The following CDH10 variants were observed in gnomAD, a reference collection of about 807,000 sequenced individuals.
The protein encoded by CDH10 is cadherin-10.
CDH10 carries 30 observed loss-of-function variants against 73.1 expected under a neutral mutation model. The observed-to-expected ratio is 0.41, with a 90% CI of 0.31 to 0.56. The LOEUF is 0.56. CDH10 is among the 20% of genes least tolerant of loss of function. The probability of loss-of-function intolerance (pLI) is 0.27; values close to 1 mark genes in which losing one functional copy is unlikely to be tolerated. For missense variants in CDH10, 815 were observed against 973.7 expected (o/e 0.84, Z 2.17); for synonymous variants, 345 against 348.2 (o/e 0.99, Z 0.10).
chr5:24,492,317 G>A (rs1742086722), intron 10 of CDH10, among the ~76,000 whole-genome samples: 1 of 152,214 alleles, frequency 6.6e-6, no homozygotes, highest in Non-Finnish European at 1.5e-5. Flanking sequence ...TAACAAAGTA[G>A]AAGAAGGTTT....
At chr5:24,508,590 G>A (rs139820338) in intron 7 of CDH10, among the ~76,000 whole-genome samples, 11 of 152,200 alleles carry the variant, frequency 7.2e-5, no homozygotes, top group African/African-American at 2.4e-4. Flanking sequence ...GTGAATGAAG[G>A]TCATGGCAAC....
chr5:24,528,146 T>TCACACA (rs1743597280), intron 5 of CDH10, among the ~76,000 whole-genome samples: 1 of 151,860 alleles, frequency 6.6e-6, no homozygotes, highest in Non-Finnish European at 1.5e-5. Flanking sequence ...ATTTTGGTGG[T>TCACACA]CACAGTAAAA....
intron 1 of CDH10, among the ~76,000 whole-genome samples, chr5:24,619,370 T>G (rs531168520): frequency 1.3e-5 from 2 of 152,222 alleles, no homozygotes; most frequent in African/African-American, 4.8e-5. Flanking sequence ...ATTTTTTGTA[T>G]TTTTAGTAGA....
chr5:24,575,103 T>C (rs1745546542), intron 2 of CDH10, among the ~76,000 whole-genome samples: 1 of 152,018 alleles, frequency 6.6e-6, no homozygotes, highest in Non-Finnish European at 1.5e-5. Context: ...GGCTCATGCC[T>C]GTAATCCCAC....
chr5:24,554,776 T>A (rs1744708110), intron 2 of CDH10, among the ~76,000 whole-genome samples: 1 of 152,146 alleles, frequency 6.6e-6, no homozygotes. Flanking sequence ...ATAATAATAA[T>A]TATAGAAATT....
At chr5:24,562,506 T>A (rs897641277) in intron 2 of CDH10, among the ~76,000 whole-genome samples, 1 of 152,122 alleles carries the variant, frequency 6.6e-6, no homozygotes, top group African/African-American at 2.4e-5. Flanking sequence ...AGGGAGAGCA[T>A]AAATTCAACT....
intron 1 of CDH10, among the ~76,000 whole-genome samples, chr5:24,611,200 G>C (rs1746936659): frequency 6.6e-6 from 1 of 152,028 alleles, no homozygotes; most frequent in Admixed American, 6.6e-5. Flanking sequence ...GCCATATTAA[G>C]TATCCACCCC....
At chr5:24,597,981 AG>A (rs1433189271) in intron 1 of CDH10, among the ~76,000 whole-genome samples, 1 of 151,954 alleles carries the variant, frequency 6.6e-6, no homozygotes, top group Non-Finnish European at 1.5e-5. Flanking sequence ...AAAATGCTAA[AG>A]ATTATAGATA....
intron 2 of CDH10, among the ~76,000 whole-genome samples, chr5:24,543,327 CACT>C: frequency 6.6e-6 from 1 of 152,114 alleles, no homozygotes; most frequent in Admixed American, 6.5e-5. Flanking sequence ...ATATTTGTAG[CACT>C]ACATTAGAAT....
intron 2 of CDH10, among the ~76,000 whole-genome samples, chr5:24,571,052 T>C (rs1745364541): frequency 6.6e-6 from 1 of 152,056 alleles, no homozygotes; most frequent in Non-Finnish European, 1.5e-5. Context: ...CATTCTTTCA[T>C]TTAGAGGTTT....
At chr5:24,521,234 C>T (rs567782433) in intron 5 of CDH10, among the ~76,000 whole-genome samples, 20 of 152,220 alleles carry the variant, frequency 1.3e-4, no homozygotes, top group Non-Finnish European at 2.5e-4. Context: ...TACAAGCTCA[C>T]GCTAAATATG....
chr5:24,585,786 C>T (rs1018707771), intron 2 of CDH10, among the ~76,000 whole-genome samples: 3 of 151,552 alleles, frequency 2.0e-5, no homozygotes, highest in Non-Finnish European at 4.4e-5. Context: ...AGGTCATTTC[C>T]TAGATTTTTG....
rs2111595711 is a variant in CDH10 at position 24,487,569 on chromosome 5, G to A, written c.*94C>T. The stretch of plus-strand genomic sequence containing the variant: ...AATGAGAAAAAAAATTGTGCTGACT[G>A]GCAGGAAAATGCTCCTGAATATCAA... On this transcript the variant is annotated 3_prime_UTR_variant, in exon 12 of 12. Transcript: ENST00000264463. The A allele has an allele frequency of 8.0e-7, 1 of 1,255,916 alleles. No homozygotes were observed. Among genetic ancestry groups the A allele is most frequent in the Non-Finnish European group, 1.1e-6 (1 of 899,860 alleles). The allele number at this position is 1,255,916 out of a possible 1,614,324, so 77.8% of individuals were successfully genotyped here. A position where few individuals can be genotyped will look rare whatever the true frequency, so the allele number is the denominator to read the frequency against.
At chr5:24,538,609 T>C (rs1258538546) in intron 2 of CDH10, among the ~76,000 whole-genome samples, 1 of 152,122 alleles carries the variant, frequency 6.6e-6, no homozygotes, top group African/African-American at 2.4e-5. Flanking sequence ...ACAGATGCCC[T>C]TAAGGCTAGC....
intron 2 of CDH10, among the ~76,000 whole-genome samples, chr5:24,554,525 T>C (rs1505884): frequency 0.67 from 100,081 of 150,380 alleles, 33,462 homozygotes; most frequent in East Asian, 0.77. Context: ...TGTGTGCACG[T>C]GCATGATTTT....
At chr5:24,597,744 A>G (rs1746421066) in intron 1 of CDH10, among the ~76,000 whole-genome samples, 1 of 151,990 alleles carries the variant, frequency 6.6e-6, no homozygotes, top group African/African-American at 2.4e-5. Context: ...TGTTAATTTT[A>G]TTATATAGGC....
At chr5:24,560,534 T>G (rs1317317787) in intron 2 of CDH10, among the ~76,000 whole-genome samples, 1 of 152,116 alleles carries the variant, frequency 6.6e-6, no homozygotes, top group African/African-American at 2.4e-5. Context: ...GGCATTTGAA[T>G]AAAACTTGAT....
intron 11 of CDH10, among the ~76,000 whole-genome samples, chr5:24,489,810 T>C (rs960318416): frequency 1.3e-5 from 2 of 152,126 alleles, no homozygotes; most frequent in East Asian, 1.9e-4. Flanking sequence ...TAAAAATCTA[T>C]TTTAATACGA....
intron 1 of CDH10, among the ~76,000 whole-genome samples, chr5:24,610,740 G>A (rs1746914786): frequency 6.6e-6 from 1 of 152,052 alleles, no homozygotes; most frequent in Non-Finnish European, 1.5e-5. Flanking sequence ...TTGTACCTAT[G>A]TGCACTGAGG....
Sources: allele counts gnomAD v4.1 joint callset (sites outside exome capture counted in the v4.1 genomes callset), GRCh38; gene constraint gnomAD v4.1.1; transcripts MANE v1.5; gene names NCBI Gene and HGNC (gene_info 2026-07-23, HGNC 2026-07-21).